The following SLC2A1 variants were observed in gnomAD, a reference collection of about 807,000 sequenced individuals.
The protein encoded by SLC2A1 is solute carrier family 2 member 1.
A neutral mutation model predicts 46.6 loss-of-function variants in SLC2A1; 4 were observed. The ratio of observed to expected loss-of-function variants is 0.09; its 90% CI spans 0.04 to 0.20. The LOEUF is 0.20. Among genes scored for constraint, SLC2A1 ranks in the 10% least tolerant of loss-of-function variants. SLC2A1 has a pLI of 1.00. For missense variants in SLC2A1, 352 were observed against 667.0 expected (o/e 0.53, Z 5.20); for synonymous variants, 253 against 270.0 (o/e 0.94, Z 0.62).
chr1:42,953,824 C>A (rs140090256), intron 1 of SLC2A1, among the ~76,000 whole-genome samples: 3 of 152,308 alleles, frequency 2.0e-5, no homozygotes, highest in African/African-American at 7.2e-5. Flanking sequence ...AGGGTCGAAT[C>A]CCTGGATGGC....
Position 42,927,339 on chromosome 1 carries a change from AAAGGG to A in SLC2A1, c.1279-103_1279-99del. ...CTTTACCTTTGGGCCTTTGAGCTGA[AAAGGG>A]AACATCCACCTACCCAGGGATGCTA... is the stretch of plus-strand genomic sequence containing the variant. On this transcript the variant is annotated intron_variant, in intron 9 of 9. Transcript: ENST00000426263. The surrounding 1 kb of genome is among the most constrained non-coding windows in gnomAD (Gnocchi z 5.3). The A allele has an allele frequency of 8.8e-7, 1 of 1,138,454 alleles. No homozygotes were observed. The highest frequency in any genetic ancestry group is 1.3e-5 in the South Asian group (1 of 77,920). 70.5% of individuals were successfully genotyped at this position (1,138,454 alleles called of 1,614,324 possible).
chr1:42,950,748 G>A (rs146093929), intron 1 of SLC2A1, among the ~76,000 whole-genome samples: 16 of 152,260 alleles, frequency 1.1e-4, no homozygotes, highest in South Asian at 2.1e-4. Flanking sequence ...TGAGGTGGGC[G>A]GATCACCTGA....
chr1:42,941,171 G>A (rs767855344), intron 2 of SLC2A1, among the ~76,000 whole-genome samples: 1 of 152,182 alleles, frequency 6.6e-6, no homozygotes, highest in Non-Finnish European at 1.5e-5. Flanking sequence ...AGACGCCTGA[G>A]TCATTTCCCT....
At chr1:42,931,282 C>A in intron 2 of SLC2A1, 76 bp from the exon 3 acceptor site, 1 of 1,476,832 alleles carries the variant, frequency 6.8e-7, no homozygotes, top group Non-Finnish European at 9.3e-7. Flanking sequence ...CCCCTTGCAC[C>A]CCTCCCTAAG....
At chr1:42,941,424 T>G (rs557023061) in intron 2 of SLC2A1, among the ~76,000 whole-genome samples, 1 of 152,210 alleles carries the variant, frequency 6.6e-6, no homozygotes, top group East Asian at 1.9e-4. Flanking sequence ...CTTTACTGAA[T>G]GCCAGGCTTT....
chr1:42,943,297 C>T lies in SLC2A1; in HGVS notation c.43G>A (p.Ala15Thr). ...SKKLTGRLMLAVGGAVLGSLQ... is the reference protein window; with the variant it reads ...SKKLTGRLMLTVGGAVLGSLQ... ...GAGCCAAGCACTGCTCCTCCCACGGCCAGCATGAGGCGACCCGTCAGCTTC... is the reference window on the plus strand; with the variant it reads ...GAGCCAAGCACTGCTCCTCCCACGGTCAGCATGAGGCGACCCGTCAGCTTC... Residue 15 changes from alanine to threonine, a missense_variant, in exon 2 of 10, where the codon GCC becomes ACC. Ala to Thr is a moderately conservative substitution (Grantham distance 58, BLOSUM62 0). Coordinates refer to ENST00000426263, the MANE Select transcript of SLC2A1 (RefSeq NM_006516.4). 1.2e-6 allele frequency: 2 copies of T among 1,613,864 alleles called. No homozygotes were observed. Among genetic ancestry groups the T allele is most frequent in the Non-Finnish European group, 8.5e-7 (1 of 1,179,870 alleles).
chr1:42,929,237 G>A lies in SLC2A1; in HGVS notation c.945C>T (p.Ile315=), dbSNP rs780528770. Residue 315 remains isoleucine (I), a synonymous_variant, in exon 7 of 10, where the codon ATC becomes ATT. Transcript: ENST00000426263. This position sits in a 1 kb window ranked among gnomAD's most constrained non-coding sequence, Gnocchi z 6.0. ...ACACGACAGTGAAGGCCGTGTTGAC[G>A]ATACCGGAGCCAATGGTGGCATACA... is the stretch of plus-strand genomic sequence containing the variant. ...QPVYATIGSG[I]VNTAFTVVSL... The A allele has an allele frequency of 8.1e-6, 13 of 1,614,084 alleles. No homozygotes were observed. The highest frequency in any genetic ancestry group is 1.7e-5 in the Admixed American group (1 of 60,012).
chr1:42,930,464 G>T lies in SLC2A1; in HGVS notation c.516+162C>A. ...AAGTCATCTTGCTGTCAACTGGGAG[G>T]CCATGGTGCTGTGTTCTCTGGACCT... On this transcript the variant is annotated intron_variant, in intron 4 of 9. Transcript: ENST00000426263. The surrounding 1 kb of genome is among the most constrained non-coding windows in gnomAD (Gnocchi z 6.2). 2.2e-6 allele frequency: 2 copies of T among 927,316 alleles called. No individual in the cohort carries two copies. The highest frequency in any genetic ancestry group is 3.5e-6 in the Non-Finnish European group (2 of 578,048). The allele number at this position is 927,316 out of a possible 1,614,324, so 57.4% of individuals were successfully genotyped here.
intron 8 of SLC2A1, among the ~76,000 whole-genome samples, chr1:42,928,438 G>A (rs1378766127): frequency 6.6e-6 from 1 of 152,190 alleles, no homozygotes; most frequent in African/African-American, 2.4e-5. Flanking sequence ...CTGGGACTGA[G>A]GTTGATTCCT....
At chr1:42,958,426 C>G (rs1441560680) in intron 1 of SLC2A1, among the ~76,000 whole-genome samples, 1 of 150,546 alleles carries the variant, frequency 6.6e-6, no homozygotes, top group Non-Finnish European at 1.5e-5. Context: ...CCCTCCGGCC[C>G]GCTAGATCCG....
At chr1:42,931,397 G>C (rs761804073) in intron 2 of SLC2A1, among the ~76,000 whole-genome samples, 191 bp from the exon 3 acceptor site, 3 of 152,196 alleles carry the variant, frequency 2.0e-5, no homozygotes, top group Admixed American at 6.5e-5. Context: ...CAAGGGGTTG[G>C]AGTTCATCTG....
Position 42,941,140 on chromosome 1 carries a change from T to G in SLC2A1, c.114+2086A>C, listed in dbSNP as rs1643593737. Among the ~76,000 whole-genome samples, 4 of 152,202 alleles carry G rather than the reference T, an allele frequency of 2.6e-5. No homozygotes were observed. The South Asian group carries it at 8.3e-4, about 31-fold the overall frequency. ...GTTTCCCGTCTCTAGTCTCACATTC[T>G]TAAGTCCGCCCCTCCATACCAGACG... On this transcript the variant is annotated intron_variant, in intron 2 of 9. Transcript: ENST00000426263.
chr1:42,941,100 G>GC (rs1275020984), intron 2 of SLC2A1, among the ~76,000 whole-genome samples: 4 of 152,164 alleles, frequency 2.6e-5, no homozygotes, highest in African/African-American at 9.7e-5. Context: ...TAGTCCAACG[G>GC]CAACTTTCTT....
intron 2 of SLC2A1, among the ~76,000 whole-genome samples, chr1:42,932,837 G>A (rs1643506369): frequency 6.6e-6 from 1 of 152,144 alleles, no homozygotes; most frequent in South Asian, 2.1e-4. Context: ...CCCCTGCCCT[G>A]TCACAACCTG....
intron 2 of SLC2A1, chr1:42,942,874 G>A (rs1455700172): frequency 2.9e-6 from 1 of 350,420 alleles, no homozygotes; most frequent in Admixed American, 4.0e-5. Context: ...ACCCTCTGCA[G>A]CCCCAGAATG....
chr1:42,927,286 T>G lies in SLC2A1; in HGVS notation c.1279-45A>C. The G allele has an allele frequency of 1.3e-6, 2 of 1,565,716 alleles. No homozygotes were observed. Among genetic ancestry groups the G allele is most frequent in the Non-Finnish European group, 1.8e-6 (2 of 1,136,888 alleles). On this transcript the variant is annotated intron_variant, in intron 9 of 9. Transcript: ENST00000426263. This position sits in a 1 kb window ranked among gnomAD's most constrained non-coding sequence, Gnocchi z 5.3. ...ACTTGGTTGGAGTCATGACCCTACATCCTGGCTGTAGGACTTTGGATAAGT... is the reference window on the plus strand; with the variant it reads ...ACTTGGTTGGAGTCATGACCCTACAGCCTGGCTGTAGGACTTTGGATAAGT...
In SLC2A1 at chr1:42,928,943, G is replaced by A; in HGVS notation, c.1063C>T (p.Leu355=). Residue 355 remains leucine (L), a synonymous_variant, in exon 8 of 10, where the codon CTA becomes TTA. Transcript: ENST00000426263. ...ACCTAGCAACTCACCAGCAGTGCTA[G>A]CGCGATGGTCATGAGTATGGCACAA... The part of the protein sequence containing the change: ...AGCAILMTIA[L]ALLEQLPWMS... The A allele has an allele frequency of 1.2e-6, 2 of 1,613,756 alleles. No homozygotes were observed. Among genetic ancestry groups the A allele is most frequent in the Admixed American group, 1.7e-5 (1 of 60,038 alleles).
At chr1:42,951,873 G>A (rs757843530) in intron 1 of SLC2A1, 1 of 401,034 alleles carries the variant, frequency 2.5e-6, no homozygotes, top group Non-Finnish European at 4.4e-6. Flanking sequence ...TTATATAGCT[G>A]GGAGATGGAG....
intron 2 of SLC2A1, among the ~76,000 whole-genome samples, chr1:42,932,667 C>T (rs1483222341): frequency 6.6e-6 from 1 of 152,196 alleles, no homozygotes; most frequent in East Asian, 1.9e-4. Context: ...CTATCCCTTC[C>T]AACCCACTGA....
Sources: gnomAD v4.1 joint callset for allele counts (sites outside exome capture counted in the v4.1 genomes callset) on GRCh38, gnomAD v4.1.1 for gene constraint, Gnocchi (gnomAD v3.1) non-coding constraint, MANE v1.5 for transcripts, NCBI Gene and HGNC (gene_info 2026-07-23, HGNC 2026-07-21) for gene names.